Variants in NALF1 observed in about 807,000 individuals in gnomAD.
NALF1 encodes family with sequence similarity 155 member A.
In NALF1, 3 loss-of-function variants were observed where a neutral mutation model predicts 48.4. The observed-to-expected ratio is 0.06, with a 90% CI of 0.03 to 0.16. The LOEUF is 0.16. Among genes scored for constraint, NALF1 ranks in the 10% least tolerant of loss-of-function variants. The pLI, the probability that NALF1 is intolerant of heterozygous loss-of-function variation, is 1.00. For synonymous variants in NALF1, 262 were observed against 245.7 expected (o/e 1.07, Z -0.62); for missense variants, 526 against 571.5 (o/e 0.92, Z 0.81).
rs556165925 is a variant in NALF1 at position 107,823,658 on chromosome 13, T to G, written c.915+42024A>C. Reference sequence around the variant, plus strand: ...GCCCTACAAATCTTTCAAAGGTTAATTCTTCAAAGAGGCCTTCTGTGACCT... The same window carrying G: ...GCCCTACAAATCTTTCAAAGGTTAAGTCTTCAAAGAGGCCTTCTGTGACCT... On this transcript the variant is annotated intron_variant, in intron 1 of 2. Transcript: ENST00000375915. Among the ~76,000 whole-genome samples, 3 of 152,292 alleles carry G rather than the reference T, an allele frequency of 2.0e-5. No individual in the cohort carries two copies. In the South Asian group the frequency reaches 6.2e-4, roughly 32 times the overall value.
chr13:107,343,588 T>C (rs748067267), intron 1 of NALF1, among the ~76,000 whole-genome samples: 3 of 152,176 alleles, frequency 2.0e-5, no homozygotes, highest in Non-Finnish European at 2.9e-5. Context: ...TATAAGTCCA[T>C]TAAACCTCTA....
chr13:107,356,287 T>G (rs186295336), intron 1 of NALF1, among the ~76,000 whole-genome samples: 1 of 152,342 alleles, frequency 6.6e-6, no homozygotes, highest in Admixed American at 6.5e-5. Context: ...TATCTGAATC[T>G]ATGTCAGATT....
chr13:107,172,775 T>A (rs1035045878), intron 2 of NALF1, among the ~76,000 whole-genome samples: 5 of 152,170 alleles, frequency 3.3e-5, no homozygotes, highest in Non-Finnish European at 5.9e-5. Context: ...GTCCTTTAGA[T>A]CAACATTTTA....
At chr13:107,177,406 A>G (rs1326962690) in intron 2 of NALF1, among the ~76,000 whole-genome samples, 1 of 152,232 alleles carries the variant, frequency 6.6e-6, no homozygotes, top group Admixed American at 6.5e-5. Flanking sequence ...TCTAAAATTT[A>G]TATGGAACCA....
Position 107,866,346 on chromosome 13 carries a change from TGCTGCTGCTGCTGCTGCTGCC to T in NALF1, c.230_250del (p.Arg77_Gln83del), listed in dbSNP as rs751720318. On this transcript the variant is annotated inframe_deletion, in exon 1 of 3. Coordinates refer to ENST00000375915, the MANE Select transcript of NALF1 (RefSeq NM_001080396.3). This position sits in a 1 kb window ranked among gnomAD's most constrained non-coding sequence, Gnocchi z 4.4. ...CTGCTGCTGCCGCTGCCTCTGCTGCTGCTGCTGCTGCTGCTGCTGCCGCTGCTGCTGCTGGTGCTCCTTGTC... is the reference window on the plus strand; with the variant it reads ...CTGCTGCTGCCGCTGCCTCTGCTGCTGCTGCTGCTGCTGGTGCTCCTTGTC... 4.5e-5 allele frequency: 73 copies of T among 1,607,396 alleles called. No homozygotes were observed. The highest frequency in any genetic ancestry group is 5.8e-5 in the Non-Finnish European group (68 of 1,177,704).
At chr13:107,730,828 A>G (rs1171570811) in intron 1 of NALF1, among the ~76,000 whole-genome samples, 1 of 152,222 alleles carries the variant, frequency 6.6e-6, no homozygotes, top group Non-Finnish European at 1.5e-5. Context: ...TACTTCAGGA[A>G]CGATGCAACA....
At chr13:107,724,770 G>A (rs1050985223) in intron 1 of NALF1, among the ~76,000 whole-genome samples, 4 of 151,992 alleles carry the variant, frequency 2.6e-5, no homozygotes, top group East Asian at 1.9e-4. Context: ...TTGTAGAGAC[G>A]GAGTGTCACC....
intron 1 of NALF1, among the ~76,000 whole-genome samples, chr13:107,647,256 C>A (rs992605013): frequency 6.6e-6 from 1 of 151,936 alleles, no homozygotes; most frequent in Non-Finnish European, 1.5e-5. Context: ...TGGAAAAATA[C>A]AAGAACATGA....
intron 1 of NALF1, among the ~76,000 whole-genome samples, chr13:107,218,457 C>T (rs1454964807): frequency 2.0e-5 from 3 of 152,116 alleles, no homozygotes; most frequent in East Asian, 1.9e-4. Flanking sequence ...TGATGCCCCG[C>T]GATTGGTTAG....
At chr13:107,194,523 T>C (rs921595777) in intron 2 of NALF1, among the ~76,000 whole-genome samples, 1 of 152,102 alleles carries the variant, frequency 6.6e-6, no homozygotes, top group African/African-American at 2.4e-5. Context: ...GGGCCACATA[T>C]AGAAGAATAA....
At position 107,348,979 on chromosome 13, in the gene NALF1, C is replaced by G. The variant is rs147366394; in HGVS notation, c.916-138224G>C. On this transcript the variant is annotated intron_variant, in intron 1 of 2. Coordinates refer to ENST00000375915, the MANE Select transcript of NALF1 (RefSeq NM_001080396.3). Reference sequence around the variant, plus strand: ...TTCATCCTTCAAGAGAGTGTTTTTGCTATCCTTTGGCAAATGAGAAATCAA... The same window carrying G: ...TTCATCCTTCAAGAGAGTGTTTTTGGTATCCTTTGGCAAATGAGAAATCAA... Among the ~76,000 whole-genome samples the G allele has an allele frequency of 3.7e-4, 56 of 152,248 alleles. No homozygotes were observed. The East Asian group carries it at 0.01, about 28-fold the overall frequency.
At chr13:107,775,148 G>A (rs978091131) in intron 1 of NALF1, among the ~76,000 whole-genome samples, 158 of 152,082 alleles carry the variant, frequency 1.0e-3, no homozygotes, top group African/African-American at 3.7e-3. Flanking sequence ...CTGGTGCGCT[G>A]CACCCACTAA....
At chr13:107,424,133 C>CTTGT (rs1884239028) in intron 1 of NALF1, among the ~76,000 whole-genome samples, 1 of 151,838 alleles carries the variant, frequency 6.6e-6, no homozygotes, top group Middle Eastern at 3.4e-3. Flanking sequence ...CAGCTATTTA[C>CTTGT]TTGTTTATTT....
At chr13:107,694,714 A>G (rs1484367025) in intron 1 of NALF1, among the ~76,000 whole-genome samples, 2 of 152,164 alleles carry the variant, frequency 1.3e-5, no homozygotes, top group African/African-American at 4.8e-5. Flanking sequence ...AATACTGCAT[A>G]TATCAAACTT....
At chr13:107,322,477 A>C (rs974632072) in intron 1 of NALF1, among the ~76,000 whole-genome samples, 8 of 152,284 alleles carry the variant, frequency 5.3e-5, no homozygotes, top group South Asian at 2.1e-4. Context: ...TCATCATTAC[A>C]CTACCTGTTC....
At chr13:107,710,802 T>C (rs547361122) in intron 1 of NALF1, among the ~76,000 whole-genome samples, 5 of 108,086 alleles carry the variant, frequency 4.6e-5, no homozygotes, top group East Asian at 6.3e-4. Flanking sequence ...TATATGTATA[T>C]ATACATATAT....
At chr13:107,372,003 G>A (rs4454826) in intron 1 of NALF1, among the ~76,000 whole-genome samples, 82,388 of 152,024 alleles carry the variant, frequency 0.54, 22,900 homozygotes, top group East Asian at 0.74. Context: ...CGAAGAGGCC[G>A]TGATTCTGTG....
intron 1 of NALF1, among the ~76,000 whole-genome samples, chr13:107,303,328 A>T (rs1456883517): frequency 1.3e-5 from 2 of 152,206 alleles, no homozygotes; most frequent in Non-Finnish European, 1.5e-5. Context: ...AGATCGAATG[A>T]CTGAAGAGCA....
chr13:107,772,472 T>C (rs540930562), intron 1 of NALF1, among the ~76,000 whole-genome samples: 2 of 152,214 alleles, frequency 1.3e-5, no homozygotes, highest in African/African-American at 2.4e-5. Context: ...AACAATACAA[T>C]ATGTCTCTAT....
Sources: gnomAD v4.1 joint callset for allele counts (sites outside exome capture counted in the v4.1 genomes callset) on GRCh38, gnomAD v4.1.1 for gene constraint, Gnocchi (gnomAD v3.1) non-coding constraint, MANE v1.5 for transcripts, NCBI Gene and HGNC (gene_info 2026-07-23, HGNC 2026-07-21) for gene names.